ARHGAP32: variants seen among roughly 807,000 people sequenced by gnomAD.
The protein encoded by ARHGAP32 is Rho GTPase activating protein 32.
A neutral mutation model predicts 186.5 loss-of-function variants in ARHGAP32; 51 were observed. The ratio of observed to expected loss-of-function variants is 0.27; its 90% CI spans 0.22 to 0.35. The LOEUF (loss-of-function observed/expected upper bound fraction) is 0.35, where lower values mean the gene tolerates loss of function less well. Ranked by LOEUF, ARHGAP32 falls within the 10% of genes least tolerant of loss-of-function variation. The probability of loss-of-function intolerance (pLI) is 1.00; values close to 1 mark genes in which losing one functional copy is unlikely to be tolerated. For synonymous variants in ARHGAP32, 950 were observed against 964.3 expected, an observed-to-expected ratio of 0.99 and a Z score of 0.27; for missense variants, 2,186 against 2,623.5, an observed-to-expected ratio of 0.83 and a Z score of 3.64.
chr11:129,148,604 G>A (rs528948008), intron 2 of ARHGAP32, among the ~76,000 whole-genome samples: 11 of 152,282 alleles, frequency 7.2e-5, no homozygotes, highest in South Asian at 2.1e-4. Flanking sequence ...CTGACTGGGC[G>A]TGAATTTCCT....
At chr11:129,118,160 C>T (rs896568804) in intron 5 of ARHGAP32, among the ~76,000 whole-genome samples, 3 of 151,838 alleles carry the variant, frequency 2.0e-5, no homozygotes, top group Non-Finnish European at 4.4e-5. Flanking sequence ...TACCTAAAAA[C>T]AAATGAATCA....
chr11:128,974,547 A>G lies in ARHGAP32; in HGVS notation c.2650T>C (p.Leu884=). 1 of 1,614,230 alleles carries G rather than the reference A, an allele frequency of 6.2e-7. No individual in the cohort carries two copies. The highest frequency in any genetic ancestry group is 8.5e-7 in the Non-Finnish European group (1 of 1,180,032). The change falls in exon 21 of 23, where the codon TTG becomes CTG. Residue 884 remains leucine, a synonymous_variant. Coordinates refer to ENST00000682385, the MANE Select transcript of ARHGAP32 (RefSeq NM_001378024.1). ...GATGATTTATCTTCAGTTGGGCTCA[A>G]GTCCAGGGTAAAGAATGGACTCAGT... The part of the protein sequence containing the change: ...EKLSPFFTLD[L]SPTEDKSSKP...
At position 129,093,712 on chromosome 11, in the gene ARHGAP32, A is replaced by G. The variant is rs368394867; in HGVS notation, c.445-5T>C. ...CTGTTCTTCTGAAAGTGAAAGCTAC[A>G]TCACAGAAAAAAAAGAAGAGGGGGA... is the stretch of plus-strand genomic sequence containing the variant. On this transcript the variant is annotated splice_region_variant and splice_polypyrimidine_tract_variant and intron_variant, in intron 5 of 22. Coordinates refer to ENST00000682385, the MANE Select transcript of ARHGAP32 (RefSeq NM_001378024.1). 150 of 1,574,594 alleles carry G rather than the reference A, an allele frequency of 9.5e-5. 1 individual carries two copies. In the East Asian group the frequency reaches 2.7e-3, roughly 28 times the overall value.
At chr11:129,078,664 TG>T (rs1161770277) in intron 6 of ARHGAP32, among the ~76,000 whole-genome samples, 1 of 152,026 alleles carries the variant, frequency 6.6e-6, no homozygotes, top group Admixed American at 6.5e-5. Flanking sequence ...GGCTAACTTT[TG>T]TATTTTTAGT....
At chr11:129,171,819 ATTTG>A (rs1943768385) in intron 1 of ARHGAP32, among the ~76,000 whole-genome samples, 2 of 152,070 alleles carry the variant, frequency 1.3e-5, no homozygotes, top group African/African-American at 4.8e-5. Flanking sequence ...ATGTTTTTCT[ATTTG>A]TTTGTGTCAT....
intron 11 of ARHGAP32, among the ~76,000 whole-genome samples, chr11:129,037,556 G>A (rs921157174): frequency 2.0e-5 from 3 of 151,770 alleles, no homozygotes; most frequent in African/African-American, 7.3e-5. Context: ...CCTTGTTCAG[G>A]GATTAGAAGA....
intron 10 of ARHGAP32, among the ~76,000 whole-genome samples, chr11:129,048,081 A>C (rs1314478033): frequency 5.6e-4 from 70 of 125,872 alleles, no homozygotes; most frequent in Admixed American, 9.8e-4. Flanking sequence ...CCCACCCCCC[A>C]CTCTCCTTGT....
At chr11:129,002,562 TC>T (rs1340838176) in intron 11 of ARHGAP32, among the ~76,000 whole-genome samples, 1 of 152,156 alleles carries the variant, frequency 6.6e-6, no homozygotes, top group Non-Finnish European at 1.5e-5. Context: ...TGCTGCTTCT[TC>T]AATTTGAGTG....
chr11:129,158,413 C>T (rs949033212), intron 2 of ARHGAP32, among the ~76,000 whole-genome samples: 2 of 144,410 alleles, frequency 1.4e-5, no homozygotes, highest in African/African-American at 5.1e-5. Flanking sequence ...AAAAAAAAAG[C>T]AGAGAATGCA....
At chr11:128,983,487 CCT>C (rs1472849480) in intron 15 of ARHGAP32, among the ~76,000 whole-genome samples, 26 of 151,056 alleles carry the variant, frequency 1.7e-4, no homozygotes, top group Non-Finnish European at 3.1e-4. Context: ...CACACCGGGG[CCT>C]GTTGTGGGGT....
intron 1 of ARHGAP32, among the ~76,000 whole-genome samples, chr11:129,220,323 G>A (rs1051628402): frequency 3.9e-5 from 6 of 152,056 alleles, no homozygotes; most frequent in East Asian, 1.9e-4. Context: ...GTCTGTATAC[G>A]GCACAGAACT....
intron 19 of ARHGAP32, among the ~76,000 whole-genome samples, chr11:128,977,437 T>C (rs928316714): frequency 6.6e-6 from 1 of 152,052 alleles, no homozygotes; most frequent in African/African-American, 2.4e-5. Flanking sequence ...TTCTTCTTAC[T>C]CTCCTCTCAT....
intron 2 of ARHGAP32, among the ~76,000 whole-genome samples, chr11:129,160,312 GTC>G (rs1331416667): frequency 6.6e-6 from 1 of 152,108 alleles, no homozygotes; most frequent in African/African-American, 2.4e-5. Flanking sequence ...AAGTCAAATT[GTC>G]TCTGTTTGCA....
At chr11:129,206,876 G>C (rs1334662038) in intron 1 of ARHGAP32, among the ~76,000 whole-genome samples, 1 of 151,772 alleles carries the variant, frequency 6.6e-6, no homozygotes, top group East Asian at 1.9e-4. Flanking sequence ...TCTACATTAG[G>C]TATATCTCCT....
intron 1 of ARHGAP32, among the ~76,000 whole-genome samples, chr11:129,213,206 T>C (rs555995950): frequency 1.3e-5 from 2 of 152,274 alleles, no homozygotes; most frequent in South Asian, 4.1e-4. Context: ...TACAGCGTAA[T>C]CAAGAGATGT....
intron 1 of ARHGAP32, among the ~76,000 whole-genome samples, chr11:129,216,993 A>T (rs1383114817): frequency 6.6e-6 from 1 of 152,172 alleles, no homozygotes. Context: ...TTTATTGAGC[A>T]TAAAGTTAAA....
At chr11:129,011,189 A>G (rs1220954547) in intron 11 of ARHGAP32, among the ~76,000 whole-genome samples, 1 of 152,212 alleles carries the variant, frequency 6.6e-6, no homozygotes, top group Non-Finnish European at 1.5e-5. Flanking sequence ...CTAAGTGTTT[A>G]TATTTATTAA....
At position 128,974,975 on chromosome 11, in the gene ARHGAP32, C is replaced by A. The variant is rs1231978081; in HGVS notation, c.2222G>T (p.Arg741Ile). The change falls in exon 21 of 23, where the codon AGA becomes ATA. Residue 741 changes from arginine (R) to isoleucine (I), a missense_variant. Physicochemically the swap from Arg to Ile is moderately conservative, Grantham distance 97. Coordinates refer to ENST00000682385, the MANE Select transcript of ARHGAP32 (RefSeq NM_001378024.1). ...DGDSKLFRPR[R>I]PRSSSDALSA... ...CAGTGCATCACTGGAAGATCTGGGT[C>A]TTCTGGGTCGGAAGAGCTTAGAATC... 5 of 1,610,692 alleles carry A rather than the reference C, an allele frequency of 3.1e-6. No homozygotes were observed. The South Asian group carries it at 4.4e-5, about 14-fold the overall frequency.
chr11:129,157,965 C>T (rs886812493), intron 2 of ARHGAP32, among the ~76,000 whole-genome samples: 1 of 152,122 alleles, frequency 6.6e-6, no homozygotes, highest in African/African-American at 2.4e-5. Context: ...ATTTCATATC[C>T]AGCCAAACTA....
Sources: allele counts gnomAD v4.1 joint callset (sites outside exome capture counted in the v4.1 genomes callset), GRCh38; gene constraint gnomAD v4.1.1; transcripts MANE v1.5; gene names NCBI Gene and HGNC (gene_info 2026-07-23, HGNC 2026-07-21).